CTNNA3: variants seen among roughly 807,000 people sequenced by gnomAD.
CTNNA3 encodes catenin alpha 3.
In CTNNA3, 76 loss-of-function variants were observed where a neutral mutation model predicts 95.7. That is an observed-to-expected ratio of 0.79 (90% CI 0.66 to 0.96). CTNNA3 has a LOEUF of 0.96. Ranked by LOEUF, CTNNA3 falls within the 40% of genes least tolerant of loss-of-function variation. The pLI, the probability that CTNNA3 is intolerant of heterozygous loss-of-function variation, is 0.00. For synonymous variants in CTNNA3, 431 were observed against 374.4 expected, an observed-to-expected ratio of 1.15 and a Z score of -1.74; for missense variants, 1,191 against 1,089.8, an observed-to-expected ratio of 1.09 and a Z score of -1.31.
intron 2 of CTNNA3, among the ~76,000 whole-genome samples, chr10:67,616,622 G>C (rs1843665624): frequency 6.6e-6 from 1 of 152,206 alleles, no homozygotes; most frequent in Admixed American, 6.5e-5. Flanking sequence ...CTGAGCAGCT[G>C]AGTAAATGGA....
intron 9 of CTNNA3, among the ~76,000 whole-genome samples, chr10:66,763,043 G>A (rs1436190283): frequency 6.6e-6 from 1 of 152,030 alleles, no homozygotes; most frequent in Non-Finnish European, 1.5e-5. Context: ...TAAGATGAGT[G>A]TATGTGCATG....
chr10:67,177,701 T>C (rs527632148), intron 7 of CTNNA3, among the ~76,000 whole-genome samples: 3 of 152,282 alleles, frequency 2.0e-5, no homozygotes. Context: ...TTAAAACTGA[T>C]GCAACAGCTA....
chr10:66,350,525 C>T (rs1221245858), intron 12 of CTNNA3, among the ~76,000 whole-genome samples: 1 of 146,732 alleles, frequency 6.8e-6, no homozygotes, highest in South Asian at 2.1e-4. Flanking sequence ...CAAAATAAAT[C>T]AAAACGTAGC....
At chr10:65,994,141 G>T (rs751047548) in intron 15 of CTNNA3, among the ~76,000 whole-genome samples, 9 of 152,040 alleles carry the variant, frequency 5.9e-5, no homozygotes, top group Non-Finnish European at 8.8e-5. Flanking sequence ...TGTATACTTC[G>T]TTCCTTTCTT....
intron 13 of CTNNA3, among the ~76,000 whole-genome samples, chr10:66,196,692 G>T (rs2086978965): frequency 6.6e-6 from 1 of 152,154 alleles, no homozygotes; most frequent in Non-Finnish European, 1.5e-5. Context: ...AGTAAGAATA[G>T]AATGGAGAGC....
chr10:66,451,988 G>T (rs2093467624), intron 11 of CTNNA3, among the ~76,000 whole-genome samples: 1 of 152,004 alleles, frequency 6.6e-6, no homozygotes, highest in Non-Finnish European at 1.5e-5. Flanking sequence ...ATTTTCCCCA[G>T]CACTTTCTTC....
intron 7 of CTNNA3, among the ~76,000 whole-genome samples, chr10:66,875,394 T>TC (rs1301227709): frequency 3.1e-5 from 2 of 65,458 alleles, no homozygotes; most frequent in South Asian, 1.3e-3. Context: ...TCACTGTTAT[T>TC]TAAAAAAAAA....
At chr10:67,382,566 C>G (rs771126626) in intron 5 of CTNNA3, among the ~76,000 whole-genome samples, 7 of 152,268 alleles carry the variant, frequency 4.6e-5, no homozygotes, top group Non-Finnish European at 7.4e-5. Context: ...CAACATGGCT[C>G]TCATCATCTG....
At chr10:66,105,768 A>G (rs1456717862) in intron 13 of CTNNA3, among the ~76,000 whole-genome samples, 1 of 152,220 alleles carries the variant, frequency 6.6e-6, no homozygotes, top group Non-Finnish European at 1.5e-5. Flanking sequence ...AGTGTTCAAA[A>G]CACTTGCTGG....
chr10:66,766,428 T>A lies in CTNNA3; in HGVS notation c.1129-12A>T. 1.3e-6 allele frequency: 2 copies of A among 1,586,700 alleles called. No individual in the cohort carries two copies. The highest frequency in any genetic ancestry group is 1.8e-5 in the Admixed American group (1 of 55,992). ...ATAGCCTTGCGGAGCTGAGAAGAAA[T>A]GAAAAATTCAGGTTTTTTTTTTCCA... On this transcript the variant is annotated splice_polypyrimidine_tract_variant and intron_variant, in intron 8 of 17. Coordinates refer to ENST00000433211, the MANE Select transcript of CTNNA3 (RefSeq NM_013266.4).
chr10:66,873,112 T>C (rs2132445624), intron 7 of CTNNA3, among the ~76,000 whole-genome samples: 1 of 152,340 alleles, frequency 6.6e-6, no homozygotes, highest in African/African-American at 2.4e-5. Flanking sequence ...CACACCTAGG[T>C]TGATTTCATG....
At chr10:66,636,467 G>A (rs1005961608) in intron 9 of CTNNA3, among the ~76,000 whole-genome samples, 3 of 151,938 alleles carry the variant, frequency 2.0e-5, no homozygotes, top group African/African-American at 4.8e-5. Context: ...AGGGAGGAGG[G>A]AGGAGTAAGA....
rs61085873 is a variant in CTNNA3 at position 66,845,703 on chromosome 10, C to CAAAAAAAAAAA, written c.1048-70190_1048-70180dup. Among the ~76,000 whole-genome samples, 47 of 23,520 alleles carry CAAAAAAAAAAA rather than the reference C, an allele frequency of 2.0e-3. 1 individual carries two copies. Among genetic ancestry groups the CAAAAAAAAAAA allele is most frequent in the Non-Finnish European group, 4.3e-3 (35 of 8,080 alleles). 15.4% of individuals were successfully genotyped at this position (23,520 alleles called of 152,430 possible). A position where few individuals can be genotyped will look rare whatever the true frequency, so the allele number is the denominator to read the frequency against. ...GGGTAACAACAGCAAAACTCTGTCT[C>CAAAAAAAAAAA]AAAAAAAAAAAAAAAAAAAAAAAAA... On this transcript the variant is annotated intron_variant, in intron 7 of 17. Coordinates refer to ENST00000433211, the MANE Select transcript of CTNNA3 (RefSeq NM_013266.4).
intron 13 of CTNNA3, among the ~76,000 whole-genome samples, chr10:66,216,232 C>T (rs1423235344): frequency 6.6e-6 from 1 of 152,234 alleles, no homozygotes; most frequent in African/African-American, 2.4e-5. Context: ...CAACTTCAAT[C>T]CGATCTTTGT....
chr10:67,702,204 T>A (rs1841045252), intron 1 of CTNNA3, among the ~76,000 whole-genome samples: 1 of 152,088 alleles, frequency 6.6e-6, no homozygotes, highest in Admixed American at 6.5e-5. Flanking sequence ...ACTGTCAACA[T>A]TAGACAGATC....
intron 9 of CTNNA3, among the ~76,000 whole-genome samples, chr10:66,690,308 G>A (rs191056316): frequency 8.7e-4 from 132 of 151,942 alleles, no homozygotes; most frequent in African/African-American, 3.1e-3. Context: ...TATATGTCAC[G>A]TCTTTTAATT....
chr10:66,001,535 T>C (rs1038723464), intron 15 of CTNNA3, among the ~76,000 whole-genome samples: 1 of 152,174 alleles, frequency 6.6e-6, no homozygotes, highest in African/African-American at 2.4e-5. Context: ...CCATGTAGTC[T>C]TCACTAGTTG....
At chr10:66,742,583 G>A (rs946925058) in intron 9 of CTNNA3, among the ~76,000 whole-genome samples, 2 of 152,016 alleles carry the variant, frequency 1.3e-5, no homozygotes, top group Admixed American at 6.6e-5. Flanking sequence ...GGGCATCACA[G>A]AACCTGCCGA....
intron 9 of CTNNA3, among the ~76,000 whole-genome samples, chr10:66,636,033 T>TGGA: frequency 8.3e-6 from 1 of 120,160 alleles, no homozygotes; most frequent in Non-Finnish European, 1.8e-5. Context: ...TGTGTGTGTG[T>TGGA]GTGGAGTGGA....
Sources: gnomAD v4.1 joint callset for allele counts (sites outside exome capture counted in the v4.1 genomes callset) on GRCh38, gnomAD v4.1.1 for gene constraint, MANE v1.5 for transcripts, NCBI Gene and HGNC (gene_info 2026-07-23, HGNC 2026-07-21) for gene names.